The following SGPP2 variants were observed in gnomAD, a reference collection of about 807,000 sequenced individuals.
The protein encoded by SGPP2 is sphingosine 1-phosphate phosphohydrolase 2.
A neutral mutation model predicts 33.9 loss-of-function variants in SGPP2; 30 were observed. That is an observed-to-expected ratio of 0.89 (90% confidence interval 0.66 to 1.20). The LOEUF (loss-of-function observed/expected upper bound fraction) is 1.20. Ranked by LOEUF, SGPP2 falls within the 50% of genes most tolerant of loss-of-function variation. The probability of loss-of-function intolerance (pLI) is 0.00; values close to 1 mark genes in which losing one functional copy is unlikely to be tolerated. For missense variants in SGPP2, 458 were observed against 532.1 expected (o/e 0.86, Z 1.37); for synonymous variants, 233 against 225.0 (o/e 1.04, Z -0.32).
intron 4 of SGPP2, among the ~76,000 whole-genome samples, chr2:222,535,870 CA>C (rs1475130465): frequency 6.6e-6 from 1 of 152,166 alleles, no homozygotes; most frequent in Admixed American, 6.5e-5. Flanking sequence ...GCTGGTTTCT[CA>C]AAAGACTCAG....
rs561492973 is a variant in SGPP2, at chr2:222,448,813, A to G, written c.219+23992A>G. On this transcript the variant is annotated intron_variant, in intron 1 of 4. Transcript: ENST00000321276. ...TCAAAATTTTATCTTCCCGTGTTAC[A>G]TGCTTTTGCAGACAGCACAATATGG... Among the ~76,000 whole-genome samples the G allele has an allele frequency of 2.0e-5, 3 of 152,308 alleles. No homozygotes were observed. In the East Asian group the frequency reaches 5.8e-4, roughly 29 times the overall value.
At chr2:222,430,463 C>A (rs1697137054) in intron 1 of SGPP2, among the ~76,000 whole-genome samples, 2 of 152,120 alleles carry the variant, frequency 1.3e-5, no homozygotes, top group Admixed American at 1.3e-4. Context: ...GGGAAGGAAG[C>A]ATAGCTCTCT....
intron 1 of SGPP2, among the ~76,000 whole-genome samples, chr2:222,455,222 A>AC (rs1008099331): frequency 1.3e-5 from 2 of 151,784 alleles, no homozygotes; most frequent in African/African-American, 2.4e-5. Flanking sequence ...CTCTTTAAAA[A>AC]AAAAAAAAGT....
At chr2:222,502,239 AT>A (rs1362142538) in intron 2 of SGPP2, among the ~76,000 whole-genome samples, 1 of 152,224 alleles carries the variant, frequency 6.6e-6, no homozygotes, top group Admixed American at 6.5e-5. Flanking sequence ...TATAATTTAG[AT>A]TTAAACCATA....
Position 222,452,289 on chromosome 2 carries a change from A to G in SGPP2, c.220-22279A>G, listed in dbSNP as rs192911805. On this transcript the variant is annotated intron_variant, in intron 1 of 4. Coordinates refer to ENST00000321276, the MANE Select transcript of SGPP2 (RefSeq NM_152386.4). The stretch of plus-strand genomic sequence containing the variant: ...TGACTGGATAGGCATAATGGAAACC[A>G]GAACATGTGGTTTCCAAAAAAGAAA... The G allele has an allele frequency of 3.4e-4, 188 of 545,006 alleles. 2 individuals carry two copies. Among genetic ancestry groups the G allele is most frequent in the South Asian group, 1.3e-3 (72 of 56,904 alleles). 33.8% of individuals were successfully genotyped at this position (545,006 alleles called of 1,614,324 possible).
chr2:222,521,805 G>T lies in SGPP2; in HGVS notation c.417G>T (p.Leu139Phe). ...TTGGCCAAGTGGCCAAGGATGTCTTGAAGTGGCCCCGTCCCTCCTCCCCTC... is the reference window on the plus strand; with the variant it reads ...TTGGCCAAGTGGCCAAGGATGTCTTTAAGTGGCCCCGTCCCTCCTCCCCTC... ...MYIGQVAKDV[L>F]KWPRPSSPPV... Residue 139 changes from leucine to phenylalanine, a missense_variant, in exon 3 of 5, where the codon TTG becomes TTT. Transcript: ENST00000321276. 6.2e-7 allele frequency: 1 copy of T among 1,609,516 alleles called. No individual in the cohort carries two copies. The highest frequency in any genetic ancestry group is 8.5e-7 in the Non-Finnish European group (1 of 1,178,634).
At chr2:222,520,234 T>C (rs564821740) in intron 2 of SGPP2, among the ~76,000 whole-genome samples, 1 of 152,316 alleles carries the variant, frequency 6.6e-6, no homozygotes, top group East Asian at 1.9e-4. Flanking sequence ...TGATATCTCA[T>C]TGTGGTTTTT....
intron 2 of SGPP2, among the ~76,000 whole-genome samples, chr2:222,499,573 G>T (rs1231975883): frequency 1.3e-5 from 2 of 152,172 alleles, no homozygotes; most frequent in Non-Finnish European, 2.9e-5. Flanking sequence ...TGCCAAAGAG[G>T]AGGAGGAAGC....
rs188283146 is a variant in SGPP2 at position 222,528,863 on chromosome 2, C to T, written c.648+3830C>T. 7.8e-3 allele frequency among the ~76,000 whole-genome samples: 1,192 copies of T among 152,262 alleles called. 12 individuals are homozygous for T. The highest frequency in any genetic ancestry group is 0.012 in the Non-Finnish European group (806 of 68,018). ...AATTCTTGGGCTCAAGCAATCATAC[C>T]ACCTCAGCCTCCCAAAGTGCTGGGA... On this transcript the variant is annotated intron_variant, in intron 4 of 4. Transcript: ENST00000321276.
intron 1 of SGPP2, among the ~76,000 whole-genome samples, chr2:222,468,543 T>C (rs1015844810): frequency 3.9e-5 from 6 of 152,220 alleles, no homozygotes; most frequent in African/African-American, 1.4e-4. Context: ...TATTCCTCCT[T>C]TGAAAGCTCA....
At chr2:222,443,036 C>T (rs1697349635) in intron 1 of SGPP2, among the ~76,000 whole-genome samples, 1 of 152,122 alleles carries the variant, frequency 6.6e-6, no homozygotes, top group Non-Finnish European at 1.5e-5. Context: ...TTATAAAATA[C>T]CCACGCTTGA....
intron 4 of SGPP2, among the ~76,000 whole-genome samples, chr2:222,557,299 C>G (rs1209695879): frequency 6.6e-6 from 1 of 152,190 alleles, no homozygotes; most frequent in Non-Finnish European, 1.5e-5. Flanking sequence ...GTTTGGCAAA[C>G]AGTAGGCACT....
In SGPP2 at chr2:222,519,200, G is replaced by A. The variant is rs148210187; in HGVS notation, c.379-2567G>A. ...CACAACAAAGTGATTTGTACAAGAG[G>A]ACTATATAGTGCGGTGCTTCTTAAA... On this transcript the variant is annotated intron_variant, in intron 2 of 4. Transcript: ENST00000321276. 7.5e-3 allele frequency among the ~76,000 whole-genome samples: 1,145 copies of A among 152,292 alleles called. 8 individuals are homozygous for A. The highest frequency in any genetic ancestry group is 0.012 in the Admixed American group (182 of 15,308).
chr2:222,490,248 C>T (rs1247986122), intron 2 of SGPP2, among the ~76,000 whole-genome samples: 1 of 151,784 alleles, frequency 6.6e-6, no homozygotes, highest in African/African-American at 2.4e-5. Context: ...TGGGATGGAC[C>T]CTGGTTCAGG....
At chr2:222,499,739 A>T (rs1309395754) in intron 2 of SGPP2, among the ~76,000 whole-genome samples, 3 of 152,268 alleles carry the variant, frequency 2.0e-5, no homozygotes, top group East Asian at 3.9e-4. Context: ...AAGCTTTTCC[A>T]ATTCAGTGTC....
Position 222,559,061 on chromosome 2 carries a change from A to C in SGPP2, c.*163A>C. ...ATGATGCTGCTGTGTGAAAGGAAGA[A>C]CTGTCTCATAGCGGTCATTGGTCGT... On this transcript the variant is annotated 3_prime_UTR_variant, in exon 5 of 5. Coordinates refer to ENST00000321276, the MANE Select transcript of SGPP2 (RefSeq NM_152386.4). 1 of 680,634 alleles carries C rather than the reference A, an allele frequency of 1.5e-6. No individual in the cohort carries two copies. Among genetic ancestry groups the C allele is most frequent in the Non-Finnish European group, 2.4e-6 (1 of 412,928 alleles). 42.2% of individuals were successfully genotyped at this position (680,634 alleles called of 1,614,324 possible).
intron 2 of SGPP2, among the ~76,000 whole-genome samples, chr2:222,498,783 G>A (rs1460409794): frequency 1.3e-5 from 2 of 152,186 alleles, no homozygotes; most frequent in Non-Finnish European, 1.5e-5. Flanking sequence ...GAGGCATGCC[G>A]TGTTAAGTGA....
intron 4 of SGPP2, among the ~76,000 whole-genome samples, chr2:222,534,225 C>T (rs547923934): frequency 6.6e-6 from 1 of 152,306 alleles, no homozygotes; most frequent in Admixed American, 6.5e-5. Flanking sequence ...ATTCAACTTA[C>T]ACAAAACGGA....
intron 1 of SGPP2, among the ~76,000 whole-genome samples, chr2:222,427,136 T>C (rs1574824450): frequency 6.6e-6 from 1 of 152,258 alleles, no homozygotes; most frequent in South Asian, 2.1e-4. Flanking sequence ...CAGAGGATGA[T>C]AAACTCTAAG....
Sources: gnomAD v4.1 joint callset for allele counts (sites outside exome capture counted in the v4.1 genomes callset) on GRCh38, gnomAD v4.1.1 for gene constraint, MANE v1.5 for transcripts, NCBI Gene and HGNC (gene_info 2026-07-23, HGNC 2026-07-21) for gene names.